The following LUZP2 variants were observed in gnomAD, a reference collection of about 807,000 sequenced individuals.
The protein encoded by LUZP2 is leucine zipper protein 2.
LUZP2 carries 52 observed loss-of-function variants against 51.6 expected under a neutral mutation model. The ratio of observed to expected loss-of-function variants is 1.01; its 90% CI spans 0.81 to 1.27. LUZP2 has a LOEUF of 1.27. Among genes scored for constraint, LUZP2 ranks in the 50% most tolerant of loss-of-function variants. LUZP2 has a pLI of 0.00. For missense variants in LUZP2, 436 were observed against 395.4 expected (o/e 1.10, Z -0.87); for synonymous variants, 154 against 137.3 (o/e 1.12, Z -0.85).
intron 9 of LUZP2, among the ~76,000 whole-genome samples, chr11:25,040,941 C>G (rs1266274847): frequency 6.6e-6 from 1 of 152,104 alleles, no homozygotes; most frequent in East Asian, 1.9e-4. Flanking sequence ...CAAAATTGAT[C>G]TTTGGTACCC....
Position 24,752,755 on chromosome 11 carries a change from C to A in LUZP2, c.334-10491C>A, listed in dbSNP as rs145272930. On this transcript the variant is annotated intron_variant, in intron 4 of 11. Coordinates refer to ENST00000336930, the MANE Select transcript of LUZP2 (RefSeq NM_001009909.4). ...TAAGATGGAAAAAATTAAATTAATT[C>A]CTATAATGGAAAGGAAAAAAGGCAA... is the stretch of plus-strand genomic sequence containing the variant. Among the ~76,000 whole-genome samples the A allele has an allele frequency of 2.9e-3, 436 of 151,692 alleles. 4 individuals are homozygous for A. Among genetic ancestry groups the A allele is most frequent in the African/African-American group, 0.01 (419 of 41,368 alleles).
intron 1 of LUZP2, among the ~76,000 whole-genome samples, chr11:24,608,384 G>T (rs952025258): frequency 6.6e-6 from 1 of 152,140 alleles, no homozygotes; most frequent in Non-Finnish European, 1.5e-5. Context: ...TTTGATTTCT[G>T]TTATGTTTAA....
At chr11:24,846,046 G>A (rs182254767) in intron 5 of LUZP2, among the ~76,000 whole-genome samples, 32 of 151,656 alleles carry the variant, frequency 2.1e-4, no homozygotes, top group Admixed American at 9.2e-4. Context: ...TCCATTCAAC[G>A]CAGGCAAGGA....
intron 5 of LUZP2, among the ~76,000 whole-genome samples, chr11:24,897,419 C>T (rs969123473): frequency 1.1e-4 from 17 of 152,262 alleles, no homozygotes; most frequent in South Asian, 4.1e-4. Flanking sequence ...ACACTCATTG[C>T]GAAGGTCCAC....
At chr11:25,024,359 C>T (rs1452705744) in intron 9 of LUZP2, among the ~76,000 whole-genome samples, 1 of 152,086 alleles carries the variant, frequency 6.6e-6, no homozygotes. Context: ...GTCAAATTGT[C>T]CCTGTTTGCA....
At chr11:24,593,045 T>A (rs1853313265) in intron 1 of LUZP2, among the ~76,000 whole-genome samples, 1 of 151,878 alleles carries the variant, frequency 6.6e-6, no homozygotes. Context: ...CCCCATACAC[T>A]ATACCTGCAA....
chr11:24,523,269 C>T (rs375308131), intron 1 of LUZP2, among the ~76,000 whole-genome samples: 49 of 151,620 alleles, frequency 3.2e-4, no homozygotes, highest in African/African-American at 1.1e-3. Context: ...ATTTGGGGCA[C>T]AAAGAAGTAG....
intron 9 of LUZP2, among the ~76,000 whole-genome samples, chr11:24,995,123 T>C (rs1015397510): frequency 6.6e-6 from 1 of 152,208 alleles, no homozygotes; most frequent in Non-Finnish European, 1.5e-5. Flanking sequence ...ATGTGATGGC[T>C]CACACCTGTA....
intron 5 of LUZP2, among the ~76,000 whole-genome samples, chr11:24,897,140 A>G (rs1481690583): frequency 2.6e-5 from 4 of 151,902 alleles, no homozygotes; most frequent in Non-Finnish European, 5.9e-5. Context: ...AAATACACCA[A>G]TCAGCACTCT....
intron 8 of LUZP2, among the ~76,000 whole-genome samples, chr11:24,977,968 T>G (rs1222596566): frequency 6.6e-6 from 1 of 151,608 alleles, no homozygotes; most frequent in Non-Finnish European, 1.5e-5. Flanking sequence ...AACCATTTAT[T>G]TGCGAAAATT....
At chr11:24,579,120 T>G (rs979700506) in intron 1 of LUZP2, among the ~76,000 whole-genome samples, 3 of 152,134 alleles carry the variant, frequency 2.0e-5, no homozygotes, top group Non-Finnish European at 4.4e-5. Context: ...AAAAGATGCA[T>G]ATTCATTAAA....
chr11:24,836,709 C>CCA (rs1327918523), intron 5 of LUZP2, among the ~76,000 whole-genome samples: 2 of 151,600 alleles, frequency 1.3e-5, no homozygotes, highest in African/African-American at 4.8e-5. Flanking sequence ...GGTTATGAAG[C>CCA]CACACACACA....
intron 1 of LUZP2, among the ~76,000 whole-genome samples, chr11:24,606,077 T>C (rs959306181): frequency 6.6e-6 from 1 of 151,856 alleles, no homozygotes. Context: ...TGTGCACATA[T>C]AGGTATATTT....
chr11:24,756,463 C>T (rs1859777561), intron 4 of LUZP2, among the ~76,000 whole-genome samples: 1 of 152,232 alleles, frequency 6.6e-6, no homozygotes, highest in Non-Finnish European at 1.5e-5. Context: ...CCTTGAGTAA[C>T]CAAATGCAGC....
chr11:25,070,426 C>A (rs895610283), intron 10 of LUZP2, among the ~76,000 whole-genome samples: 2 of 151,830 alleles, frequency 1.3e-5, no homozygotes, highest in Non-Finnish European at 2.9e-5. Context: ...ACAAACCAGG[C>A]CCATCTAGAT....
chr11:24,643,819 A>G lies in LUZP2; in HGVS notation c.63-85350A>G, dbSNP rs545635693. Among the ~76,000 whole-genome samples, 6 of 152,286 alleles carry G rather than the reference A, an allele frequency of 3.9e-5. No individual in the cohort carries two copies. In the East Asian group the frequency reaches 1.2e-3, roughly 29 times the overall value. On this transcript the variant is annotated intron_variant, in intron 1 of 11. Transcript: ENST00000336930. ...ACTATCTTTATAAGAGTTTCTTCATAAAGACTTCCAGTGTTGGGAAATTCT... is the reference window on the plus strand; with the variant it reads ...ACTATCTTTATAAGAGTTTCTTCATGAAGACTTCCAGTGTTGGGAAATTCT...
At chr11:24,731,057 T>C (rs1197933700) in intron 2 of LUZP2, among the ~76,000 whole-genome samples, 2 of 151,744 alleles carry the variant, frequency 1.3e-5, no homozygotes, top group South Asian at 4.1e-4. Context: ...ATAAATAAGA[T>C]TGTTTATTGA....
At chr11:24,880,076 A>G (rs969986340) in intron 5 of LUZP2, among the ~76,000 whole-genome samples, 2 of 152,168 alleles carry the variant, frequency 1.3e-5, no homozygotes, top group Non-Finnish European at 2.9e-5. Flanking sequence ...CAATTTATTT[A>G]GAGCCCCAAA....
chr11:24,697,162 C>G (rs1481269845), intron 1 of LUZP2, among the ~76,000 whole-genome samples: 2 of 152,016 alleles, frequency 1.3e-5, no homozygotes, highest in Non-Finnish European at 2.9e-5. Context: ...CAAAAGGAAA[C>G]AAGTTAACAA....
Sources: gnomAD v4.1 joint callset for allele counts (sites outside exome capture counted in the v4.1 genomes callset) on GRCh38, gnomAD v4.1.1 for gene constraint, MANE v1.5 for transcripts, NCBI Gene and HGNC (gene_info 2026-07-23, HGNC 2026-07-21) for gene names.